SIGLEC1: variants seen among roughly 807,000 people sequenced by gnomAD.
SIGLEC1 encodes the protein sialoadhesin.
Under a neutral mutation model 148.0 loss-of-function variants are expected in SIGLEC1, and 132 were observed. The observed-to-expected ratio is 0.89, with a 90% CI of 0.77 to 1.03. The LOEUF (loss-of-function observed/expected upper bound fraction) is 1.03. Ranked by LOEUF, SIGLEC1 falls within the 50% of genes least tolerant of loss-of-function variation. The pLI is 0.00. For synonymous variants in SIGLEC1, 945 were observed against 969.0 expected, an observed-to-expected ratio of 0.98 and a Z score of 0.46; for missense variants, 2,253 against 2,271.4, an observed-to-expected ratio of 0.99 and a Z score of 0.16.
At chr20:3,700,819 G>A (rs772707033) in intron 7 of SIGLEC1, among the ~76,000 whole-genome samples, 1 of 150,052 alleles carries the variant, frequency 6.7e-6, no homozygotes, top group Non-Finnish European at 1.5e-5. Flanking sequence ...TCCTGCCTTA[G>A]CCTCCCAGGT....
At position 3,697,877 on chromosome 20, in the gene SIGLEC1, C is replaced by T. The variant is rs1273947307; in HGVS notation, c.2043G>A (p.Leu681=). The change falls in exon 9 of 22, where the codon CTG becomes CTA. Residue 681 remains leucine (L), a synonymous_variant. Transcript: ENST00000344754. ...CACAGAGGTACAAGCCCTCCTCTTC[C>T]AGCAAAGGGTTGTGAATCTCCACAC... ...LLRVEIHNPL[L]EEEGLYLCEA... 1 of 1,613,044 alleles carries T rather than the reference C, an allele frequency of 6.2e-7. No individual in the cohort carries two copies. Among genetic ancestry groups the T allele is most frequent in the Non-Finnish European group, 8.5e-7 (1 of 1,179,996 alleles).
Position 3,694,504 on chromosome 20 carries a change from G to C in SIGLEC1, c.2973C>G (p.Thr991=), listed in dbSNP as rs1455572626. The C allele has an allele frequency of 1.9e-6, 3 of 1,575,596 alleles. No individual in the cohort carries two copies. The highest frequency in any genetic ancestry group is 1.7e-6 in the Non-Finnish European group (2 of 1,158,258). The change falls in exon 13 of 22, where the codon ACC becomes ACG. Residue 991 remains threonine (T), a synonymous_variant. Transcript: ENST00000344754. ...SYAPRHVTLT[T]LMDTGPGRLG... is the part of the protein sequence containing the mutation. ...GTCGTCCAGGGCCTGTGTCCATCAGGGTAGTGAGTGTGACGTGGCGTGGGG... is the reference window on the plus strand; with the variant it reads ...GTCGTCCAGGGCCTGTGTCCATCAGCGTAGTGAGTGTGACGTGGCGTGGGG...
intron 8 of SIGLEC1, among the ~76,000 whole-genome samples, chr20:3,698,431 C>T (rs2087823349): frequency 6.6e-6 from 1 of 152,250 alleles, no homozygotes; most frequent in African/African-American, 2.4e-5. Flanking sequence ...GCATAAGTCC[C>T]ATCTGCTGCT....
intron 1 of SIGLEC1, among the ~76,000 whole-genome samples, chr20:3,709,629 C>G (rs924276604): frequency 6.6e-6 from 1 of 152,180 alleles, no homozygotes; most frequent in Non-Finnish European, 1.5e-5. Context: ...CCAATGTTCA[C>G]GGCAGCACTA....
At chr20:3,708,437 CG>C (rs1380815982) in intron 1 of SIGLEC1, among the ~76,000 whole-genome samples, 2 of 149,920 alleles carry the variant, frequency 1.3e-5, no homozygotes, top group South Asian at 2.1e-4. Flanking sequence ...ATTAAAAGCA[CG>C]AAAAAAAAAA....
intron 10 of SIGLEC1, 87 bp downstream of exon 10, chr20:3,696,998 C>T (rs1281549731): frequency 6.4e-7 from 1 of 1,554,512 alleles, no homozygotes; most frequent in African/African-American, 1.4e-5. Flanking sequence ...ATGCTCTTTC[C>T]TCCCCAAACC....
chr20:3,703,655 G>A (rs1003311839), intron 5 of SIGLEC1, among the ~76,000 whole-genome samples, 170 bp downstream of exon 5: 1 of 152,156 alleles, frequency 6.6e-6, no homozygotes, highest in African/African-American at 2.4e-5. Flanking sequence ...CCTTCGTGGG[G>A]GTATTGTCAC....
chr20:3,707,791 G>C (rs548638012), intron 1 of SIGLEC1, among the ~76,000 whole-genome samples: 15 of 152,356 alleles, frequency 9.8e-5, no homozygotes, highest in African/African-American at 3.4e-4. Context: ...GCTCTCCGCA[G>C]ACCCACTCTG....
At position 3,692,509 on chromosome 20, in the gene SIGLEC1, C is replaced by A. The variant is rs776010519; in HGVS notation, c.4030+12G>T. ...CCTCCTGGGCAGCCCTGGCCAAGGA[C>A]CCTCTGCTCACAGAGGACTTGCAGG... On this transcript the variant is annotated intron_variant, in intron 16 of 21. Coordinates refer to ENST00000344754, the MANE Select transcript of SIGLEC1 (RefSeq NM_023068.4). The A allele has an allele frequency of 3.1e-5, 49 of 1,578,962 alleles. No individual in the cohort carries two copies. Among genetic ancestry groups the A allele is most frequent in the Non-Finnish European group, 4.1e-5 (48 of 1,168,950 alleles).
At position 3,688,169 on chromosome 20, in the gene SIGLEC1, G is replaced by A. The variant is rs951822976; in HGVS notation, c.*391C>T. 9.3e-5 allele frequency: 29 copies of A among 311,128 alleles called. No homozygotes were observed. Among genetic ancestry groups the A allele is most frequent in the African/African-American group, 6.4e-4 (29 of 45,176 alleles). The allele number at this position is 311,128 out of a possible 1,614,324, so 19.3% of individuals were successfully genotyped here. A position where few individuals can be genotyped will look rare whatever the true frequency, so the allele number is the denominator to read the frequency against. On this transcript the variant is annotated 3_prime_UTR_variant, in exon 22 of 22. Transcript: ENST00000344754. ...GTTAGAGCAGGCTGACTGATACTCT[G>A]TTGAATACAGAATGCCTTGGTGAGC...
In SIGLEC1 at chr20:3,698,033, G is replaced by A. The variant is rs550903404; in HGVS notation, c.1887C>T (p.Asp629=). The A allele has an allele frequency of 6.2e-7, 1 of 1,610,202 alleles. No homozygotes were observed. Among genetic ancestry groups the A allele is most frequent in the Non-Finnish European group, 8.5e-7 (1 of 1,178,686 alleles). ...RGLLLCRVDS[D]PPARLQLLHK... ...GGAGCAGCTGCAGCCTGGCGGGGGGGTCGCTGTCCACACGGCACAAAAGGA... is the reference window on the plus strand; with the variant it reads ...GGAGCAGCTGCAGCCTGGCGGGGGGATCGCTGTCCACACGGCACAAAAGGA... Residue 629 remains aspartate (D), a synonymous_variant, in exon 9 of 22, where the codon GAC becomes GAT. Transcript: ENST00000344754.
In SIGLEC1 at chr20:3,687,274, G is replaced by A. The variant is rs76862156; in HGVS notation, c.*1286C>T. The stretch of plus-strand genomic sequence containing the variant: ...GCTCTCTCCTGTTGGTCCCTGATTC[G>A]CAGGGGCACGTCATTCCTTCTTGGT... On this transcript the variant is annotated 3_prime_UTR_variant, in exon 22 of 22. Transcript: ENST00000344754. 2,353 of 152,372 alleles carry A rather than the reference G, an allele frequency of 0.015. 35 individuals carry two copies. The highest frequency in any genetic ancestry group is 0.021 in the Non-Finnish European group (1,407 of 68,062). The allele number at this position is 152,372 out of a possible 1,614,324, so 9.4% of individuals were successfully genotyped here.
chr20:3,688,374 G>A lies in SIGLEC1; in HGVS notation c.*186C>T. ...TCCTCCAGGGTCAACACCCTCCTGG[G>A]CAGACCTCTCACCACCCATTTTTGG... is the stretch of plus-strand genomic sequence containing the variant. On this transcript the variant is annotated 3_prime_UTR_variant, in exon 22 of 22. Transcript: ENST00000344754. The A allele has an allele frequency of 1.5e-6, 1 of 649,810 alleles. No individual in the cohort carries two copies. Among genetic ancestry groups the A allele is most frequent in the South Asian group, 1.6e-5 (1 of 60,804 alleles). The allele number at this position is 649,810 out of a possible 1,614,324, so 40.3% of individuals were successfully genotyped here. A position where few individuals can be genotyped will look rare whatever the true frequency, so the allele number is the denominator to read the frequency against.
rs1339398791 is a variant in SIGLEC1 at position 3,710,421 on chromosome 20, G to A, written c.-110+2049C>T. ...CAGGCTGCTGGAGTGGACTGATCTG[G>A]CCATTTATGGAGGCCCAAGGGCTCA... On this transcript the variant is annotated intron_variant, in intron 1 of 21. Transcript: ENST00000344754. The surrounding 1 kb of genome is among the most constrained non-coding windows in gnomAD (Gnocchi z 4.6). Among the ~76,000 whole-genome samples the A allele has an allele frequency of 3.3e-5, 5 of 152,202 alleles. No homozygotes were observed. Among genetic ancestry groups the A allele is most frequent in the Non-Finnish European group, 7.4e-5 (5 of 68,018 alleles).
At position 3,706,537 on chromosome 20, in the gene SIGLEC1, C is replaced by T. The variant is rs138966589; in HGVS notation, c.219G>A (p.Ser73=). The T allele has an allele frequency of 1.2e-5, 19 of 1,612,678 alleles. No homozygotes were observed. The highest frequency in any genetic ancestry group is 5.3e-5 in the African/African-American group (4 of 74,942). ...GGGCCTCCACCAGCTTGGGGTCCGC[C>T]GAGTGGCTCACCACCTGCCGCTGGC... is the stretch of plus-strand genomic sequence containing the variant. ...YSGQRQVVSH[S]ADPKLVEARF... Residue 73 remains serine (S), a synonymous_variant, in exon 3 of 22, where the codon TCG becomes TCA. Coordinates refer to ENST00000344754, the MANE Select transcript of SIGLEC1 (RefSeq NM_023068.4).
Position 3,694,812 on chromosome 20 carries a change from C to T in SIGLEC1, c.2795G>A (p.Arg932Gln), listed in dbSNP as rs778195446. The change falls in exon 12 of 22, where the codon CGG (arginine) becomes CAG (glutamine). Residue 932 changes from arginine (R) to glutamine (Q), a missense_variant. By Grantham distance (43) the Arg-to-Gln change is conservative. Coordinates refer to ENST00000344754, the MANE Select transcript of SIGLEC1 (RefSeq NM_023068.4). Reference protein sequence around the residue: ...VPEGTSYRWYRDGQPLQESTS... With the variant: ...VPEGTSYRWYQDGQPLQESTS... ...CGACTCCTGGAGGGGCTGGCCATCC[C>T]GATACCAACGATATGAGGTCCCCTC... is the stretch of plus-strand genomic sequence containing the variant. 18 of 1,613,566 alleles carry T rather than the reference C, an allele frequency of 1.1e-5. No individual in the cohort carries two copies. The highest frequency in any genetic ancestry group is 3.3e-5 in the South Asian group (3 of 91,082).
At position 3,692,560 on chromosome 20, in the gene SIGLEC1, C is replaced by T. The variant is rs576742779; in HGVS notation, c.3991G>A (p.Gly1331Ser). The T allele has an allele frequency of 4.5e-5, 72 of 1,608,010 alleles. No homozygotes were observed. The highest frequency in any genetic ancestry group is 6.7e-5 in the Admixed American group (4 of 59,656). The change falls in exon 16 of 22, where the codon GGC becomes AGC. Residue 1331 changes from glycine to serine, a missense_variant. Transcript: ENST00000344754. Reference protein sequence around the residue: ...AYSCQAQDAQGTRSSRPAALQ... With the variant: ...AYSCQAQDAQSTRSSRPAALQ... ...GCAGCAGGACGGGAGCTGCGGGTGC[C>T]CTGGGCATCCTGGGCCTGGCAAGAG...
At position 3,696,859 on chromosome 20, in the gene SIGLEC1, G is replaced by A. The variant is rs771171411; in HGVS notation, c.2410C>T (p.Leu804Phe). ...ATGTGGCCCTGGCCCATGTCTAGGA[G>A]GGCTGACAGCTTTGGACGGTCCGGG... ...YPPDRPKLSA[L>F]LDMGQGHMAL... Residue 804 changes from leucine to phenylalanine, a missense_variant, in exon 11 of 22, where the codon CTC becomes TTC. Physicochemically the swap from Leu to Phe is conservative, Grantham distance 22. Coordinates refer to ENST00000344754, the MANE Select transcript of SIGLEC1 (RefSeq NM_023068.4). 3 of 1,571,074 alleles carry A rather than the reference G, an allele frequency of 1.9e-6. No homozygotes were observed. The highest frequency in any genetic ancestry group is 2.7e-5 in the African/African-American group (2 of 73,886).
intron 7 of SIGLEC1, among the ~76,000 whole-genome samples, 153 bp from the exon 8 acceptor site, chr20:3,699,612 A>G (rs12624921): frequency 0.054 from 8,192 of 152,274 alleles, 315 homozygotes; most frequent in East Asian, 0.11. Context: ...TTTAATGCCA[A>G]ATCAGATCTA....
Sources: allele counts gnomAD v4.1 joint callset (sites outside exome capture counted in the v4.1 genomes callset), GRCh38; gene constraint gnomAD v4.1.1; non-coding constraint Gnocchi (gnomAD v3.1); transcripts MANE v1.5; gene names NCBI Gene and HGNC (gene_info 2026-07-23, HGNC 2026-07-21).